Variants in PARD3B observed in about 807,000 individuals in gnomAD.
The protein encoded by PARD3B is partitioning defective 3 homolog B.
PARD3B carries 103 observed loss-of-function variants against 130.2 expected under a neutral mutation model. The ratio of observed to expected loss-of-function variants is 0.79; its 90% confidence interval spans 0.67 to 0.93. PARD3B has a LOEUF of 0.93. Ranked by LOEUF, PARD3B falls within the 40% of genes least tolerant of loss-of-function variation. The pLI is 0.00. For missense variants in PARD3B, 1,609 were observed against 1,499.2 expected (o/e 1.07, Z -1.21); for synonymous variants, 583 against 553.2 (o/e 1.05, Z -0.76).
intron 2 of PARD3B, among the ~76,000 whole-genome samples, chr2:204,816,429 C>G (rs1486910527): frequency 5.9e-5 from 9 of 151,758 alleles, no homozygotes. Context: ...TAATGCTGGT[C>G]TTCTGGTGAT....
intron 2 of PARD3B, among the ~76,000 whole-genome samples, chr2:204,709,526 A>G (rs1234390583): frequency 1.3e-5 from 2 of 152,178 alleles, no homozygotes; most frequent in Non-Finnish European, 2.9e-5. Context: ...CTAGGTTACA[A>G]TATCCCAGTA....
intron 18 of PARD3B, among the ~76,000 whole-genome samples, chr2:205,371,756 G>A (rs1011428140): frequency 6.6e-6 from 1 of 152,120 alleles, no homozygotes; most frequent in Non-Finnish European, 1.5e-5. Flanking sequence ...CGTTTGAAGT[G>A]TAGAATCCAG....
chr2:205,373,883 A>G (rs2105914329), intron 18 of PARD3B, among the ~76,000 whole-genome samples: 1 of 152,302 alleles, frequency 6.6e-6, no homozygotes, highest in Middle Eastern at 3.4e-3. Flanking sequence ...AGAAAGATGT[A>G]GTGTTTAACC....
intron 1 of PARD3B, among the ~76,000 whole-genome samples, chr2:204,569,121 C>A (rs980215622): frequency 2.0e-5 from 3 of 152,170 alleles, no homozygotes; most frequent in Non-Finnish European, 4.4e-5. Flanking sequence ...TGGTGCTGAA[C>A]CGCAGCCTCA....
At chr2:204,846,425 G>A (rs1269157079) in intron 2 of PARD3B, among the ~76,000 whole-genome samples, 5 of 152,010 alleles carry the variant, frequency 3.3e-5, no homozygotes, top group Non-Finnish European at 7.4e-5. Flanking sequence ...ACATAGGCGT[G>A]TACACTGCAG....
rs2040409608 is a variant in PARD3B, at chr2:205,263,924, A to G, written c.2185+18102A>G. ...CTATTTACTAGGTTATTTTAGACAA[A>G]GAGTAATGAGAAGTGGAAGAAGATT... is the stretch of plus-strand genomic sequence containing the variant. On this transcript the variant is annotated intron_variant, in intron 16 of 22. Coordinates refer to ENST00000406610, the MANE Select transcript of PARD3B (RefSeq NM_001302769.2). The surrounding 1 kb of genome is among the most constrained non-coding windows in gnomAD (Gnocchi z 4.0). Among the ~76,000 whole-genome samples, 1 of 151,228 alleles carries G rather than the reference A, an allele frequency of 6.6e-6. No individual in the cohort carries two copies. The highest frequency in any genetic ancestry group is 1.5e-5 in the Non-Finnish European group (1 of 67,658).
intron 1 of PARD3B, among the ~76,000 whole-genome samples, chr2:204,648,410 T>G (rs2035346621): frequency 6.6e-6 from 1 of 150,438 alleles, no homozygotes. Context: ...GTTTCCAGTT[T>G]TTTTGCCGGT....
rs566317039 is a variant in PARD3B, at chr2:204,606,879, G to T, written c.120+60760G>T. Among the ~76,000 whole-genome samples the T allele has an allele frequency of 6.6e-6, 1 of 152,138 alleles. No homozygotes were observed. The highest frequency in any genetic ancestry group is 1.9e-4 in the East Asian group (1 of 5,174). On this transcript the variant is annotated intron_variant, in intron 1 of 22. Coordinates refer to ENST00000406610, the MANE Select transcript of PARD3B (RefSeq NM_001302769.2). The surrounding 1 kb of genome is among the most constrained non-coding windows in gnomAD (Gnocchi z 4.0). Reference sequence around the variant, plus strand: ...AGTAGCAGTTTTGTTTGTGTGTGTGGTTTTTCTGGGAAATATTAAAGCCTT... The same window carrying T: ...AGTAGCAGTTTTGTTTGTGTGTGTGTTTTTTCTGGGAAATATTAAAGCCTT...
rs75692414 is a variant in PARD3B, at chr2:205,032,016, T to C, written c.395-15565T>C. 4.6e-5 allele frequency among the ~76,000 whole-genome samples: 7 copies of C among 152,174 alleles called. No individual in the cohort carries two copies. The East Asian group carries it at 9.6e-4, about 21-fold the overall frequency. Reference sequence around the variant, plus strand: ...TCTTCCCAGTATTAGTGACCCTCTATGTTAAAATGTTTTTCCCTTGAAAGT... The same window carrying C: ...TCTTCCCAGTATTAGTGACCCTCTACGTTAAAATGTTTTTCCCTTGAAAGT... On this transcript the variant is annotated intron_variant, in intron 3 of 22. Coordinates refer to ENST00000406610, the MANE Select transcript of PARD3B (RefSeq NM_001302769.2).
At chr2:204,765,580 T>C (rs1004797374) in intron 2 of PARD3B, among the ~76,000 whole-genome samples, 2 of 152,242 alleles carry the variant, frequency 1.3e-5, no homozygotes, top group Admixed American at 6.5e-5. Context: ...AAGTCTTTTA[T>C]AGTATTATTT....
chr2:205,594,569 A>G (rs2054503353), intron 22 of PARD3B, among the ~76,000 whole-genome samples: 1 of 152,196 alleles, frequency 6.6e-6, no homozygotes, highest in Admixed American at 6.5e-5. Flanking sequence ...AGCAGAGCCT[A>G]AAGAGGACAA....
At chr2:205,465,992 A>G (rs1038690478) in intron 20 of PARD3B, among the ~76,000 whole-genome samples, 18 of 152,310 alleles carry the variant, frequency 1.2e-4, no homozygotes, top group African/African-American at 4.1e-4. Flanking sequence ...GCTGTGACAG[A>G]GAAGTGTATT....
Position 205,229,662 on chromosome 2 carries a change from T to G in PARD3B, c.2141-16116T>G, listed in dbSNP as rs986094715. Among the ~76,000 whole-genome samples, 1 of 152,098 alleles carries G rather than the reference T, an allele frequency of 6.6e-6. No individual in the cohort carries two copies. The highest frequency in any genetic ancestry group is 1.5e-5 in the Non-Finnish European group (1 of 68,024). On this transcript the variant is annotated intron_variant, in intron 15 of 22. Coordinates refer to ENST00000406610, the MANE Select transcript of PARD3B (RefSeq NM_001302769.2). This position sits in a 1 kb window ranked among gnomAD's most constrained non-coding sequence, Gnocchi z 5.2. ...CCCTAGGCTCACAGTAACCACTGCC[T>G]GGCTACCACCTACATTTGCTTAGGA... is the stretch of plus-strand genomic sequence containing the variant.
intron 19 of PARD3B, among the ~76,000 whole-genome samples, chr2:205,434,210 T>G (rs1172828158): frequency 6.6e-6 from 1 of 152,218 alleles, no homozygotes; most frequent in Non-Finnish European, 1.5e-5. Flanking sequence ...TCATTGTAGT[T>G]TTAATTTGCA....
Position 205,440,731 on chromosome 2 carries a change from T to G in PARD3B, c.3044+59T>G. The G allele has an allele frequency of 1.3e-6, 2 of 1,501,010 alleles. No homozygotes were observed. The highest frequency in any genetic ancestry group is 1.8e-6 in the Non-Finnish European group (2 of 1,092,212). The allele number at this position is 1,501,010 out of a possible 1,614,324, so 93.0% of individuals were successfully genotyped here. A position where few individuals can be genotyped will look rare whatever the true frequency, so the allele number is the denominator to read the frequency against. On this transcript the variant is annotated intron_variant, in intron 20 of 22. Transcript: ENST00000406610. This position sits in a 1 kb window ranked among gnomAD's most constrained non-coding sequence, Gnocchi z 4.2. ...AATTCAGTATGTTTCAAATCATCTCTACTGCTGAAACCGATAAAAAATGTC... is the reference window on the plus strand; with the variant it reads ...AATTCAGTATGTTTCAAATCATCTCGACTGCTGAAACCGATAAAAAATGTC...
chr2:205,188,342 G>A (rs1420666457), intron 14 of PARD3B, among the ~76,000 whole-genome samples: 1 of 152,202 alleles, frequency 6.6e-6, no homozygotes, highest in African/African-American at 2.4e-5. Flanking sequence ...TCAATGGGAA[G>A]GGCATTGTCT....
At chr2:205,182,541 G>A (rs2035852907) in intron 13 of PARD3B, among the ~76,000 whole-genome samples, 1 of 151,518 alleles carries the variant, frequency 6.6e-6, no homozygotes, top group Non-Finnish European at 1.5e-5. Context: ...AACACGAGGA[G>A]AAAGTTATCT....
chr2:205,353,060 C>A (rs984768335), intron 18 of PARD3B, among the ~76,000 whole-genome samples: 1 of 152,180 alleles, frequency 6.6e-6, no homozygotes, highest in East Asian at 1.9e-4. Flanking sequence ...AGACTAACAT[C>A]CTTTGGGAAT....
intron 1 of PARD3B, among the ~76,000 whole-genome samples, chr2:204,567,768 T>A (rs13393438): frequency 0.028 from 4,235 of 152,288 alleles, 219 homozygotes; most frequent in African/African-American, 0.097. Flanking sequence ...TTCTATGTTT[T>A]ATTTTTTGAG....
Sources: gnomAD v4.1 joint callset for allele counts (sites outside exome capture counted in the v4.1 genomes callset) on GRCh38, gnomAD v4.1.1 for gene constraint, Gnocchi (gnomAD v3.1) non-coding constraint, MANE v1.5 for transcripts, NCBI Gene and HGNC (gene_info 2026-07-23, HGNC 2026-07-21) for gene names.